PCDH11X: variants seen among roughly 807,000 people sequenced by gnomAD.
PCDH11X encodes protocadherin-11 X-linked.
A neutral mutation model predicts 53.3 loss-of-function variants in PCDH11X; 18 were observed. The ratio of observed to expected loss-of-function variants is 0.34; its 90% CI spans 0.23 to 0.50. PCDH11X has a LOEUF of 0.50. PCDH11X is among the 20% of genes least tolerant of loss of function. The pLI, the probability that PCDH11X is intolerant of heterozygous loss-of-function variation, is 0.98. For synonymous variants in PCDH11X, 279 were observed against 393.3 expected (o/e 0.71, Z 3.44); for missense variants, 570 against 1,032.4 (o/e 0.55, Z 6.14).
At chrX:92,349,717 G>A (rs1603282586) in intron 8 of PCDH11X, among the ~76,000 whole-genome samples, 1 of 111,336 alleles carries the variant, frequency 9.0e-6, no homozygotes, top group East Asian at 2.8e-4. Context: ...TGTACTTCGA[G>A]TATGCATACA....
intron 5 of PCDH11X, among the ~76,000 whole-genome samples, chrX:91,864,021 T>G (rs995921212): frequency 8.9e-6 from 1 of 111,863 alleles, no homozygotes; most frequent in Admixed American, 9.5e-5. Flanking sequence ...ATAAGAGTAG[T>G]TTACACATTA....
chrX:92,137,318 A>T (rs1603025659), intron 6 of PCDH11X, among the ~76,000 whole-genome samples: 1 of 111,692 alleles, frequency 9.0e-6, no homozygotes, highest in Non-Finnish European at 1.9e-5. Context: ...CCCTTAAAAA[A>T]GTCATCTTGG....
At chrX:91,854,650 G>A (rs760378907) in intron 5 of PCDH11X, among the ~76,000 whole-genome samples, 9 of 111,776 alleles carry the variant, frequency 8.1e-5, no homozygotes, top group African/African-American at 1.3e-4. Context: ...TCTCCACATC[G>A]TTGCCAACAT....
chrX:91,824,989 G>T (rs1936855765), intron 4 of PCDH11X, among the ~76,000 whole-genome samples: 1 of 110,096 alleles, frequency 9.1e-6, no homozygotes, highest in Non-Finnish European at 1.9e-5. Context: ...GGCTGCTCGG[G>T]GGTCAGGGGT....
At chrX:92,111,616 G>A (rs369764847) in intron 6 of PCDH11X, among the ~76,000 whole-genome samples, 51 of 110,758 alleles carry the variant, frequency 4.6e-4, no homozygotes, top group South Asian at 2.7e-3. Flanking sequence ...TGAAAGAGCC[G>A]TAGAAGATAT....
intron 4 of PCDH11X, among the ~76,000 whole-genome samples, chrX:91,826,501 G>T (rs1007319396): frequency 4.8e-5 from 4 of 83,283 alleles, no homozygotes; most frequent in African/African-American, 1.4e-4. Context: ...ATGCATGTGC[G>T]GGTTTGTTAT....
chrX:92,301,342 G>C (rs948320537), intron 8 of PCDH11X, among the ~76,000 whole-genome samples: 1 of 106,764 alleles, frequency 9.4e-6, no homozygotes, highest in African/African-American at 3.4e-5. Flanking sequence ...TTGTTCTGCT[G>C]TGTTCTGGTT....
At position 92,403,328 on chromosome X, in the gene PCDH11X, CGTTTTTTTTT is replaced by C. The variant is rs1335465140; in HGVS notation, c.3343+15406_3343+15415del. 5.5e-4 allele frequency among the ~76,000 whole-genome samples: 30 copies of C among 54,896 alleles called. 1 individual carries two copies. In the South Asian group the frequency reaches 0.03, roughly 54 times the overall value. 47.7% of individuals were successfully genotyped at this position (54,896 alleles called of 115,157 possible). A position where few individuals can be genotyped will look rare whatever the true frequency, so the allele number is the denominator to read the frequency against. On this transcript the variant is annotated intron_variant, in intron 9 of 10. Coordinates refer to ENST00000682573, the MANE Select transcript of PCDH11X (RefSeq NM_032968.5). ...ACTGGGATATGTGTCCGGGCATTTACGTTTTTTTTTGTTTTTTTTTTTTTTTTTTTTTGTA... is the reference window on the plus strand; with the variant it reads ...ACTGGGATATGTGTCCGGGCATTTACGTTTTTTTTTTTTTTTTTTTTTGTA...
intron 8 of PCDH11X, among the ~76,000 whole-genome samples, chrX:92,264,885 T>A (rs1186369722): frequency 9.4e-6 from 1 of 106,338 alleles, no homozygotes; most frequent in Non-Finnish European, 1.9e-5. Flanking sequence ...GGACAATTTT[T>A]TTTTTTTTTT....
At chrX:92,094,545 C>G (rs2064103929) in intron 6 of PCDH11X, among the ~76,000 whole-genome samples, 1 of 111,091 alleles carries the variant, frequency 9.0e-6, no homozygotes. Context: ...AAGGAATACA[C>G]AAAAAATCAG....
intron 6 of PCDH11X, among the ~76,000 whole-genome samples, chrX:92,076,851 T>G (rs1293849372): frequency 8.9e-6 from 1 of 112,214 alleles, no homozygotes; most frequent in Non-Finnish European, 1.9e-5. Flanking sequence ...TAAAAAATCT[T>G]TGAGTATTCA....
chrX:92,383,394 T>C (rs1282345350), intron 8 of PCDH11X, among the ~76,000 whole-genome samples: 10 of 109,259 alleles, frequency 9.2e-5, no homozygotes, highest in Non-Finnish European at 1.7e-4. Flanking sequence ...TTTACATAAG[T>C]ATACACATGC....
intron 10 of PCDH11X, among the ~76,000 whole-genome samples, chrX:92,528,298 A>G (rs1485808079): frequency 8.9e-6 from 1 of 111,888 alleles, no homozygotes; most frequent in African/African-American, 3.2e-5. Context: ...ATTTTTATTT[A>G]TTTATTTTTT....
At position 92,027,078 on chromosome X, in the gene PCDH11X, T is replaced by C. The variant is rs191396001; in HGVS notation, c.3033+147805T>C. On this transcript the variant is annotated intron_variant, in intron 6 of 10. Coordinates refer to ENST00000682573, the MANE Select transcript of PCDH11X (RefSeq NM_032968.5). ...GTACACGTTTTAAATTTCTTCCTTGTGTTAAAATATCCAGTATTTGTGCAT... is the reference window on the plus strand; with the variant it reads ...GTACACGTTTTAAATTTCTTCCTTGCGTTAAAATATCCAGTATTTGTGCAT... Among the ~76,000 whole-genome samples the C allele has an allele frequency of 4.8e-3, 535 of 111,384 alleles. 1 individual carries two copies. The highest frequency in any genetic ancestry group is 0.017 in the African/African-American group (509 of 30,695).
chrX:92,399,065 C>T (rs1326301287), intron 9 of PCDH11X, among the ~76,000 whole-genome samples: 1 of 108,029 alleles, frequency 9.3e-6, no homozygotes, highest in Non-Finnish European at 1.9e-5. Context: ...TGGTGGTGGG[C>T]GCCTGTGGTC....
In PCDH11X at chrX:92,417,443, A is replaced by G. The variant is rs754795717; in HGVS notation, c.3343+29510A>G. Among the ~76,000 whole-genome samples the G allele has an allele frequency of 5.4e-5, 6 of 110,720 alleles. No individual in the cohort carries two copies. In the East Asian group the frequency reaches 1.4e-3, roughly 26 times the overall value. Reference sequence around the variant, plus strand: ...GTCACAGTTGACATGGAAGCCAAATATGTCTGTAATTGAATTATGAATCTT... The same window carrying G: ...GTCACAGTTGACATGGAAGCCAAATGTGTCTGTAATTGAATTATGAATCTT... On this transcript the variant is annotated intron_variant, in intron 9 of 10. Transcript: ENST00000682573.
At chrX:92,323,367 T>G (rs2069256236) in intron 8 of PCDH11X, among the ~76,000 whole-genome samples, 1 of 107,564 alleles carries the variant, frequency 9.3e-6, no homozygotes. Flanking sequence ...GAGAGGTAAC[T>G]ATAGGAGTTG....
At chrX:92,443,102 G>C (rs2072551301) in intron 9 of PCDH11X, among the ~76,000 whole-genome samples, 1 of 106,791 alleles carries the variant, frequency 9.4e-6, no homozygotes, top group Admixed American at 1.0e-4. Flanking sequence ...TTTCATAATA[G>C]TTGCTCTGAC....
rs1460372237 is a variant in PCDH11X at position 92,620,706 on chromosome X, C to G, written c.*1766C>G. 1 of 110,684 alleles carries G rather than the reference C, an allele frequency of 9.0e-6. No individual in the cohort carries two copies. The highest frequency in any genetic ancestry group is 1.9e-5 in the Non-Finnish European group (1 of 52,871). 9.1% of individuals were successfully genotyped at this position (110,684 alleles called of 1,213,427 possible). A position where few individuals can be genotyped will look rare whatever the true frequency, so the allele number is the denominator to read the frequency against. ...TTTCAGAATATACATTATTCCCATC[C>G]ATTGTAAAGTTCCTTAAGTCATATT... On this transcript the variant is annotated 3_prime_UTR_variant, in exon 11 of 11. Coordinates refer to ENST00000682573, the MANE Select transcript of PCDH11X (RefSeq NM_032968.5).
Sources: allele counts gnomAD v4.1 joint callset (sites outside exome capture counted in the v4.1 genomes callset), GRCh38; gene constraint gnomAD v4.1.1; transcripts MANE v1.5; gene names NCBI Gene and HGNC (gene_info 2026-07-23, HGNC 2026-07-21).